Variants in THNSL2 observed in about 807,000 individuals in gnomAD.
The protein encoded by THNSL2 is threonine synthase-like 2.
A neutral mutation model predicts 40.0 loss-of-function variants in THNSL2; 34 were observed. The observed-to-expected ratio is 0.85, with a 90% confidence interval of 0.65 to 1.13. The LOEUF (loss-of-function observed/expected upper bound fraction) is 1.13, where lower values mean the gene tolerates loss of function less well. Ranked by LOEUF, THNSL2 falls within the 50% of genes most tolerant of loss-of-function variation. The pLI is 0.00. For missense variants in THNSL2, 537 were observed against 608.8 expected (o/e 0.88, Z 1.24); for synonymous variants, 241 against 247.5 (o/e 0.97, Z 0.25).
chr2:88,171,166 C>T (rs894096557), intron 1 of THNSL2: 6 of 406,950 alleles, frequency 1.5e-5, no homozygotes, highest in Non-Finnish European at 2.5e-5. Context: ...TCACCACCTC[C>T]TGTGGTTGCT....
chr2:88,184,494 A>G (rs529336322), intron 7 of THNSL2, among the ~76,000 whole-genome samples: 43 of 152,228 alleles, frequency 2.8e-4, no homozygotes, highest in Non-Finnish European at 4.6e-4. Flanking sequence ...GCCGGGTGAG[A>G]TGGCTCACGC....
At chr2:88,175,442 G>T (rs1676824988) in intron 4 of THNSL2, 41 bp downstream of exon 4, 1 of 1,598,820 alleles carries the variant, frequency 6.3e-7, no homozygotes. Context: ...GTGCAGCCCT[G>T]CCTTAATTGG....
rs1676226584 is a variant in THNSL2, at chr2:88,170,408, CGGGCCT to C, written c.-60_-55del. ...CAGCCCGGGCAGCCCTGCTGCGCAC[CGGGCCT>C]CGCGCCCCGCGCCCCGCGCCCCGCG... On this transcript the variant is annotated 5_prime_UTR_variant, in exon 1 of 9. Coordinates refer to ENST00000674334, the MANE Select transcript of THNSL2 (RefSeq NM_018271.5). The C allele has an allele frequency of 1.3e-5, 2 of 148,678 alleles. No individual in the cohort carries two copies. Among genetic ancestry groups the C allele is most frequent in the Non-Finnish European group, 3.0e-5 (2 of 66,958 alleles). The allele number at this position is 148,678 out of a possible 1,614,324, so 9.2% of individuals were successfully genotyped here.
At chr2:88,178,335 A>G (rs1355700288) in intron 4 of THNSL2, among the ~76,000 whole-genome samples, 1 of 152,020 alleles carries the variant, frequency 6.6e-6, no homozygotes, top group Admixed American at 6.6e-5. Flanking sequence ...GACTGTTTCC[A>G]CCCTGGCCCC....
intron 7 of THNSL2, 92 bp from the exon 8 acceptor site, chr2:88,185,236 G>T (rs567485692): frequency 4.6e-6 from 7 of 1,513,244 alleles, no homozygotes; most frequent in Non-Finnish European, 5.3e-6. Flanking sequence ...GATCCCTGGG[G>T]TTTGTGTGGA....
chr2:88,184,568 C>A (rs1678050990), intron 7 of THNSL2, among the ~76,000 whole-genome samples: 1 of 151,382 alleles, frequency 6.6e-6, no homozygotes, highest in African/African-American at 2.4e-5. Flanking sequence ...AGTTTGAGAC[C>A]AGCCTGGCCA....
At chr2:88,178,195 T>C (rs1677145385) in intron 4 of THNSL2, among the ~76,000 whole-genome samples, 1 of 152,202 alleles carries the variant, frequency 6.6e-6, no homozygotes, top group Non-Finnish European at 1.5e-5. Context: ...TAAATTACAC[T>C]GATGTACACA....
At position 88,186,449 on chromosome 2, in the gene THNSL2, A is replaced by AC. The variant is rs3215271; in HGVS notation, c.*330dup. ...CTGACCATGGCTCCAGGGGTTTAGG[A>AC]CCCCAGACCTGTGAAGGTGGGAGCA... On this transcript the variant is annotated 3_prime_UTR_variant, in exon 9 of 9. Coordinates refer to ENST00000674334, the MANE Select transcript of THNSL2 (RefSeq NM_018271.5). The AC allele has an allele frequency of 0.68, 211,631 of 311,368 alleles. 73,483 individuals carry two copies. The highest frequency in any genetic ancestry group is 0.83 in the Middle Eastern group (790 of 954). The allele number at this position is 311,368 out of a possible 1,614,324, so 19.3% of individuals were successfully genotyped here. A position where few individuals can be genotyped will look rare whatever the true frequency, so the allele number is the denominator to read the frequency against.
In THNSL2 at chr2:88,178,781, A is replaced by G. The variant is rs753998591; in HGVS notation, c.572-2A>G. 3 of 1,613,992 alleles carry G rather than the reference A, an allele frequency of 1.9e-6. No individual in the cohort carries two copies. Among genetic ancestry groups the G allele is most frequent in the Non-Finnish European group, 2.5e-6 (3 of 1,179,964 alleles). On this transcript the variant is annotated splice_acceptor_variant, in intron 4 of 8. Transcript: ENST00000674334. LOFTEE classifies it high-confidence loss of function. Reference sequence around the variant, plus strand: ...GCTGCCCTCTTCTCTCCCCCCTGGCAGTGGAGGGAAACAGCGATGAGCTCG... The same window carrying G: ...GCTGCCCTCTTCTCTCCCCCCTGGCGGTGGAGGGAAACAGCGATGAGCTCG...
chr2:88,170,414 TCGCGCCC>T lies in THNSL2; in HGVS notation c.-23_-17del. The T allele has an allele frequency of 0.034, 5,146 of 149,172 alleles. 109 individuals are homozygous for T. The highest frequency in any genetic ancestry group is 0.048 in the African/African-American group (1,927 of 40,090). 9.2% of individuals were successfully genotyped at this position (149,172 alleles called of 1,614,324 possible). On this transcript the variant is annotated 5_prime_UTR_variant, in exon 1 of 9. Coordinates refer to ENST00000674334, the MANE Select transcript of THNSL2 (RefSeq NM_018271.5). ...GGGCAGCCCTGCTGCGCACCGGGCC[TCGCGCCC>T]CGCGCCCCGCGCCCCGCGCCCCGCG... is the stretch of plus-strand genomic sequence containing the variant.
chr2:88,185,250 G>C (rs1678143978), intron 7 of THNSL2, 78 bp from the exon 8 acceptor site: 7 of 1,477,108 alleles, frequency 4.7e-6, no homozygotes, highest in African/African-American at 1.5e-5. Context: ...GTGTGGATCT[G>C]TGGTGGAGAG....
At chr2:88,179,590 C>T (rs74734050) in intron 5 of THNSL2, among the ~76,000 whole-genome samples, 3 of 152,226 alleles carry the variant, frequency 2.0e-5, no homozygotes, top group Middle Eastern at 3.4e-3. Context: ...AGGACTGCCT[C>T]GATGAGCGAA....
chr2:88,170,909 A>C (rs1676298351), intron 1 of THNSL2, among the ~76,000 whole-genome samples: 1 of 151,890 alleles, frequency 6.6e-6, no homozygotes, highest in Non-Finnish European at 1.5e-5. Context: ...CACCTCCCTG[A>C]GGGGCGCCTG....
intron 3 of THNSL2, 98 bp from the exon 4 acceptor site, chr2:88,175,151 A>T (rs1243022153): frequency 1.5e-6 from 2 of 1,293,554 alleles, no homozygotes; most frequent in Non-Finnish European, 2.1e-6. Flanking sequence ...TTTGAAGTAG[A>T]TGTTGCTATA....
intron 7 of THNSL2, 90 bp downstream of exon 7, chr2:88,183,163 C>A: frequency 6.5e-7 from 1 of 1,529,854 alleles, no homozygotes. Context: ...GGGAAGAGGA[C>A]ACCTGTTTCT....
intron 4 of THNSL2, among the ~76,000 whole-genome samples, chr2:88,177,751 G>A (rs991175798): frequency 3.9e-5 from 6 of 152,136 alleles, no homozygotes; most frequent in Non-Finnish European, 7.4e-5. Flanking sequence ...TTTTAAAGCA[G>A]TGAATCTTTT....
chr2:88,186,314 G>A lies in THNSL2; in HGVS notation c.*191G>A. 8.0e-6 allele frequency: 5 copies of A among 625,860 alleles called. No homozygotes were observed. Among genetic ancestry groups the A allele is most frequent in the South Asian group, 1.9e-5 (1 of 52,012 alleles). 38.8% of individuals were successfully genotyped at this position (625,860 alleles called of 1,614,324 possible). On this transcript the variant is annotated 3_prime_UTR_variant, in exon 9 of 9. Coordinates refer to ENST00000674334, the MANE Select transcript of THNSL2 (RefSeq NM_018271.5). ...CTGGTCACCAGGGAGGCTGAGTGAG[G>A]GGCTGTGAACAGTTGCCGGAAGCAC...
chr2:88,185,655 T>C, intron 8 of THNSL2, 176 bp downstream of exon 8: 2 of 1,551,550 alleles, frequency 1.3e-6, no homozygotes, highest in East Asian at 2.4e-5. Context: ...GCGTGACAGA[T>C]ATCCCAGGGA....
intron 1 of THNSL2, chr2:88,172,031 G>A (rs901758876): frequency 2.0e-5 from 3 of 152,308 alleles, no homozygotes; most frequent in Non-Finnish European, 4.4e-5. Flanking sequence ...CCTCATGTAG[G>A]TAGAGAGCTT....
Sources: gnomAD v4.1 joint callset for allele counts (sites outside exome capture counted in the v4.1 genomes callset) on GRCh38, gnomAD v4.1.1 for gene constraint, MANE v1.5 for transcripts, NCBI Gene and HGNC (gene_info 2026-07-23, HGNC 2026-07-21) for gene names.